SNAP25: variants seen among roughly 807,000 people sequenced by gnomAD.
The protein encoded by SNAP25 is synaptosome associated protein 25.
In SNAP25, 3 loss-of-function variants were observed where a neutral mutation model predicts 28.7. The observed-to-expected ratio is 0.10, with a 90% CI of 0.05 to 0.27. The LOEUF is 0.27. SNAP25 is among the 10% of genes least tolerant of loss of function. The pLI is 1.00. For synonymous variants in SNAP25, 61 were observed against 88.1 expected, an observed-to-expected ratio of 0.69 and a Z score of 1.72; for missense variants, 117 against 278.7, an observed-to-expected ratio of 0.42 and a Z score of 4.13.
chr20:10,227,947 C>G (rs1241421995), intron 1 of SNAP25, among the ~76,000 whole-genome samples: 1 of 152,076 alleles, frequency 6.6e-6, no homozygotes, highest in African/African-American at 2.4e-5. Flanking sequence ...TTTTTCATGT[C>G]AATTCCGCTT....
chr20:10,292,778 G>T, intron 4 of SNAP25: 1 of 749,232 alleles, frequency 1.3e-6, no homozygotes, highest in Non-Finnish European at 2.3e-6. Flanking sequence ...ACAATGCATT[G>T]TAATATCTCT....
chr20:10,221,267 A>C (rs1399255544), intron 1 of SNAP25, among the ~76,000 whole-genome samples: 1 of 152,210 alleles, frequency 6.6e-6, no homozygotes, highest in Non-Finnish European at 1.5e-5. Flanking sequence ...CGGGGGAAGT[A>C]GAGGACCGCA....
Position 10,306,274 on chromosome 20 carries a change from G to A in SNAP25, c.*77G>A. ...CATGCTTTTCTCATGGTATTATCTA[G>A]TAGGTCTGCACACATAACACACATC... On this transcript the variant is annotated 3_prime_UTR_variant, in exon 8 of 8. Coordinates refer to ENST00000254976, the MANE Select transcript of SNAP25 (RefSeq NM_130811.4). 2 of 1,375,850 alleles carry A rather than the reference G, an allele frequency of 1.5e-6. No individual in the cohort carries two copies. The highest frequency in any genetic ancestry group is 2.1e-6 in the Non-Finnish European group (2 of 969,232). 85.2% of individuals were successfully genotyped at this position (1,375,850 alleles called of 1,614,324 possible). A position where few individuals can be genotyped will look rare whatever the true frequency, so the allele number is the denominator to read the frequency against.
chr20:10,294,963 AG>A (rs2064078528), intron 5 of SNAP25, among the ~76,000 whole-genome samples: 1 of 152,190 alleles, frequency 6.6e-6, no homozygotes, highest in Non-Finnish European at 1.5e-5. Context: ...GGGTGAAGGC[AG>A]GGTCCCCTGG....
At chr20:10,287,015 T>C in intron 4 of SNAP25, among the ~76,000 whole-genome samples, 1 of 152,062 alleles carries the variant, frequency 6.6e-6, no homozygotes, top group Admixed American at 6.5e-5. Context: ...AGGTGCCCAA[T>C]AGAAGAGTGG....
chr20:10,301,451 G>A (rs1394771438), intron 7 of SNAP25, among the ~76,000 whole-genome samples: 1 of 151,980 alleles, frequency 6.6e-6, no homozygotes, highest in African/African-American at 2.4e-5. Flanking sequence ...TTTAAATAGA[G>A]CCCACTTCAA....
intron 1 of SNAP25, among the ~76,000 whole-genome samples, chr20:10,273,816 C>T (rs995512778): frequency 1.3e-5 from 2 of 152,184 alleles, no homozygotes; most frequent in African/African-American, 4.8e-5. Flanking sequence ...GAGCCCATGC[C>T]TTCTTCAAAT....
chr20:10,239,254 T>C (rs1469302393), intron 1 of SNAP25, among the ~76,000 whole-genome samples: 2 of 152,230 alleles, frequency 1.3e-5, no homozygotes, highest in Non-Finnish European at 2.9e-5. Flanking sequence ...AACCACTGAG[T>C]GTGCCGTGCC....
intron 4 of SNAP25, among the ~76,000 whole-genome samples, chr20:10,286,825 AAC>A (rs1251475811): frequency 3.3e-5 from 5 of 152,212 alleles, no homozygotes; most frequent in Non-Finnish European, 7.3e-5. Context: ...GTACACAAAT[AAC>A]AAAGTCTACT....
intron 1 of SNAP25, among the ~76,000 whole-genome samples, chr20:10,257,124 G>A (rs996092349): frequency 4.6e-5 from 7 of 152,058 alleles, no homozygotes; most frequent in Non-Finnish European, 1.0e-4. Context: ...GGGTGTTACC[G>A]GGGCATCAAG....
chr20:10,298,352 G>A (rs1043942646), intron 6 of SNAP25, among the ~76,000 whole-genome samples: 1 of 152,086 alleles, frequency 6.6e-6, no homozygotes, highest in African/African-American at 2.4e-5. Flanking sequence ...CTCTGCCCTG[G>A]GCTGCTTTTG....
intron 4 of SNAP25, among the ~76,000 whole-genome samples, chr20:10,290,685 G>A (rs533064693): frequency 6.6e-6 from 1 of 151,872 alleles, no homozygotes; most frequent in East Asian, 1.9e-4. Flanking sequence ...TTGTAACTTA[G>A]GAGAAACTCC....
intron 1 of SNAP25, among the ~76,000 whole-genome samples, chr20:10,274,106 T>A (rs961984515): frequency 1.3e-5 from 2 of 152,160 alleles, no homozygotes; most frequent in Non-Finnish European, 2.9e-5. Context: ...TAACACTGCC[T>A]GGCATATTAC....
At chr20:10,221,099 G>A (rs1319937662) in intron 1 of SNAP25, among the ~76,000 whole-genome samples, 1 of 152,162 alleles carries the variant, frequency 6.6e-6, no homozygotes, top group African/African-American at 2.4e-5. Context: ...GAGAAAATAT[G>A]GGCAGGAATC....
At chr20:10,294,527 T>C (rs1482543967) in intron 5 of SNAP25, among the ~76,000 whole-genome samples, 1 of 152,136 alleles carries the variant, frequency 6.6e-6, no homozygotes, top group African/African-American at 2.4e-5. Context: ...TCCAGGGTAG[T>C]TTGCATTGTC....
rs139587060 is a variant in SNAP25, at chr20:10,240,690, G to T, written c.-64+21713G>T. ...CCTTCCAAACGAACATTTCTTAGCC[G>T]CCAGGCCTCGTTCTGAACTGGGTAA... On this transcript the variant is annotated intron_variant, in intron 1 of 7. Transcript: ENST00000254976. 5.9e-4 allele frequency among the ~76,000 whole-genome samples: 90 copies of T among 152,246 alleles called. 1 individual carries two copies. Among genetic ancestry groups the T allele is most frequent in the African/African-American group, 2.0e-3 (83 of 41,554 alleles).
chr20:10,270,486 G>A (rs888625582), intron 1 of SNAP25, among the ~76,000 whole-genome samples: 19 of 152,072 alleles, frequency 1.2e-4, no homozygotes, highest in Admixed American at 4.6e-4. Flanking sequence ...ATCTCTTGAG[G>A]TGAGGAGTTC....
intron 1 of SNAP25, among the ~76,000 whole-genome samples, chr20:10,255,355 C>A (rs1393333265): frequency 1.3e-5 from 2 of 152,180 alleles, no homozygotes; most frequent in African/African-American, 4.8e-5. Flanking sequence ...ATGTTTCCTT[C>A]CAATGGGCAA....
At chr20:10,221,159 A>T (rs372175028) in intron 1 of SNAP25, among the ~76,000 whole-genome samples, 5 of 152,248 alleles carry the variant, frequency 3.3e-5, no homozygotes, top group African/African-American at 1.2e-4. Flanking sequence ...CTGTCTGCGT[A>T]GTTGCGTCAA....
Sources: allele counts gnomAD v4.1 joint callset (sites outside exome capture counted in the v4.1 genomes callset), GRCh38; gene constraint gnomAD v4.1.1; transcripts MANE v1.5; gene names NCBI Gene and HGNC (gene_info 2026-07-23, HGNC 2026-07-21).